The following DLEC1 variants were observed in gnomAD, a reference collection of about 807,000 sequenced individuals.
The protein encoded by DLEC1 is deleted in lung and esophageal cancer protein 1.
A neutral mutation model predicts 198.1 loss-of-function variants in DLEC1; 146 were observed. The observed-to-expected ratio is 0.74, with a 90% CI of 0.64 to 0.85. DLEC1 has a LOEUF of 0.85. Ranked by LOEUF, DLEC1 falls within the 40% of genes least tolerant of loss-of-function variation. DLEC1 has a pLI of 0.00. For synonymous variants in DLEC1, 897 were observed against 866.8 expected (o/e 1.03, Z -0.61); for missense variants, 2,233 against 2,220.0 (o/e 1.01, Z -0.12).
chr3:38,121,941 G>A, intron 35 of DLEC1, 130 bp from the exon 36 acceptor site: 1 of 1,515,094 alleles, frequency 6.6e-7, no homozygotes, highest in Non-Finnish European at 8.9e-7. Context: ...AATCCCACAT[G>A]ATCTCAGGGT....
intron 3 of DLEC1, among the ~76,000 whole-genome samples, chr3:38,060,851 C>T (rs958825335): frequency 2.3e-4 from 35 of 152,226 alleles, no homozygotes; most frequent in African/African-American, 7.5e-4. Flanking sequence ...TGTGCCACCA[C>T]ACCTGGCTAA....
intron 12 of DLEC1, 56 bp downstream of exon 12, chr3:38,093,823 C>G: frequency 6.2e-7 from 1 of 1,600,408 alleles, no homozygotes; most frequent in Non-Finnish European, 8.5e-7. Context: ...CTTACCTGGC[C>G]CTCAGTCCCA....
intron 27 of DLEC1, 28 bp downstream of exon 27, chr3:38,115,081 T>A: frequency 1.2e-6 from 2 of 1,612,936 alleles, no homozygotes; most frequent in Non-Finnish European, 1.7e-6. Context: ...GAAGTCAGTG[T>A]TCTTGCCACA....
rs183720669 is a variant in DLEC1, at chr3:38,089,704, C to T, written c.1665+1316C>T. Among the ~76,000 whole-genome samples the T allele has an allele frequency of 6.5e-3, 985 of 152,278 alleles. 11 individuals carry two copies. The highest frequency in any genetic ancestry group is 8.7e-3 in the Admixed American group (133 of 15,300). On this transcript the variant is annotated intron_variant, in intron 10 of 36. Coordinates refer to ENST00000308059, the MANE Select transcript of DLEC1 (RefSeq NM_007335.4). Reference sequence around the variant, plus strand: ...CTGGACATCCCCCTCATCCCATCCTCCTGGGATCTCCAAGTAAAGGAAGAG... The same window carrying T: ...CTGGACATCCCCCTCATCCCATCCTTCTGGGATCTCCAAGTAAAGGAAGAG...
Position 38,107,626 on chromosome 3 carries a change from C to T in DLEC1, c.2907C>T (p.Tyr969=). 6.2e-7 allele frequency: 1 copy of T among 1,613,938 alleles called. No homozygotes were observed. ...VYAEVQKPHV[Y]LQSSQVEVRN... is the part of the protein sequence containing the mutation. ...CTGAGGTACAGAAGCCCCATGTGTA[C>T]CTACAGAGCAGCCAGGTGGAGGTTA... The change falls in exon 20 of 37, where the codon TAC becomes TAT. Residue 969 remains tyrosine (Y), a synonymous_variant. Transcript: ENST00000308059.
chr3:38,097,621 T>C lies in DLEC1; in HGVS notation c.2549T>C (p.Ile850Thr). The C allele has an allele frequency of 1.2e-6, 2 of 1,614,168 alleles. No individual in the cohort carries two copies. The highest frequency in any genetic ancestry group is 1.7e-6 in the Non-Finnish European group (2 of 1,180,028). Residue 850 changes from isoleucine to threonine, a missense_variant, in exon 17 of 37, where the codon ATT (isoleucine) becomes ACT (threonine). Physicochemically the swap from Ile to Thr is moderately conservative, Grantham distance 89 (BLOSUM62 -1). Transcript: ENST00000308059. ...EDSPSPVVLH[I>T]EAVFKGPALI... ...TCGCCCTCGCCAGTGGTGTTACACATTGAGGCTGTCTTTAAGGTGCTGCAG... is the reference window on the plus strand; with the variant it reads ...TCGCCCTCGCCAGTGGTGTTACACACTGAGGCTGTCTTTAAGGTGCTGCAG...
chr3:38,056,062 T>TACACACACACAC (rs57610638), intron 2 of DLEC1, among the ~76,000 whole-genome samples: 3 of 120,450 alleles, frequency 2.5e-5, no homozygotes, highest in East Asian at 2.4e-4. Flanking sequence ...CTACAAAAAA[T>TACACACACACAC]ACACACACAC....
intron 6 of DLEC1, among the ~76,000 whole-genome samples, chr3:38,072,827 C>A (rs9858794): frequency 0.35 from 53,698 of 151,898 alleles, 9,959 homozygotes; most frequent in East Asian, 0.55. Flanking sequence ...ATGGAGAAGA[C>A]ATTTGAGTTT....
intron 2 of DLEC1, among the ~76,000 whole-genome samples, chr3:38,059,204 G>T (rs1696545049): frequency 6.6e-6 from 1 of 152,176 alleles, no homozygotes; most frequent in African/African-American, 2.4e-5. Flanking sequence ...CGTAGGTCAG[G>T]CTCAGGTCTG....
chr3:38,091,059 TG>T (rs1243106996), intron 10 of DLEC1, among the ~76,000 whole-genome samples: 5 of 152,138 alleles, frequency 3.3e-5, no homozygotes, highest in African/African-American at 1.2e-4. Flanking sequence ...ATTAATAAAA[TG>T]GATTAAAGAT....
intron 2 of DLEC1, among the ~76,000 whole-genome samples, chr3:38,059,444 T>TGAA (rs1427344090): frequency 6.6e-6 from 1 of 152,082 alleles, no homozygotes; most frequent in Non-Finnish European, 1.5e-5. Context: ...TAGACAGAAG[T>TGAA]GAAGAACTGG....
At chr3:38,113,976 G>A (rs185121426) in intron 25 of DLEC1, among the ~76,000 whole-genome samples, 18 of 152,070 alleles carry the variant, frequency 1.2e-4, no homozygotes, top group South Asian at 6.2e-4. Context: ...ACCAGAGGCC[G>A]AAGAGCCTCA....
intron 2 of DLEC1, among the ~76,000 whole-genome samples, chr3:38,048,629 G>T (rs140429136): frequency 6.6e-6 from 1 of 152,186 alleles, no homozygotes. Context: ...GCTTGGAAGG[G>T]GGTGGGACTT....
chr3:38,051,060 C>A (rs1245501215), intron 2 of DLEC1, among the ~76,000 whole-genome samples: 1 of 152,070 alleles, frequency 6.6e-6, no homozygotes, highest in Non-Finnish European at 1.5e-5. Context: ...CACCACCACA[C>A]CCACTAATTT....
chr3:38,117,690 C>T, intron 32 of DLEC1, 79 bp downstream of exon 32: 1 of 1,603,644 alleles, frequency 6.2e-7, no homozygotes. Flanking sequence ...GGGACTCAGG[C>T]CTTATAGTCT....
chr3:38,111,755 C>T lies in DLEC1; in HGVS notation c.3514+8C>T. 6.2e-7 allele frequency: 1 copy of T among 1,610,024 alleles called. No individual in the cohort carries two copies. Among genetic ancestry groups the T allele is most frequent in the Non-Finnish European group, 8.5e-7 (1 of 1,179,540 alleles). ...CCAAGCGAGAGCAGCTGGGTAAGCG[C>T]CACCAGGGTGGGGCTTCGGGGCCCA... On this transcript the variant is annotated splice_region_variant and intron_variant, in intron 24 of 36. Coordinates refer to ENST00000308059, the MANE Select transcript of DLEC1 (RefSeq NM_007335.4).
At chr3:38,069,425 T>C (rs957037408) in intron 6 of DLEC1, among the ~76,000 whole-genome samples, 1 of 151,886 alleles carries the variant, frequency 6.6e-6, no homozygotes, top group African/African-American at 2.4e-5. Flanking sequence ...TATATACCAG[T>C]CTTAAGAACA....
At chr3:38,108,274 C>T (rs1699673264) in intron 20 of DLEC1, 131 bp from the exon 21 acceptor site, 14 of 709,872 alleles carry the variant, frequency 2.0e-5, no homozygotes, top group Non-Finnish European at 3.1e-5. Flanking sequence ...GCACCCAGCC[C>T]TGTCGGTTTT....
intron 19 of DLEC1, among the ~76,000 whole-genome samples, chr3:38,102,705 A>C (rs1559449469): frequency 6.7e-6 from 1 of 150,050 alleles, no homozygotes; most frequent in Non-Finnish European, 1.5e-5. Context: ...CTCAGAGCAC[A>C]CAGCTAGCCT....
Sources: allele counts gnomAD v4.1 joint callset (sites outside exome capture counted in the v4.1 genomes callset), GRCh38; gene constraint gnomAD v4.1.1; transcripts MANE v1.5; gene names NCBI Gene and HGNC (gene_info 2026-07-23, HGNC 2026-07-21).